The following TMED10 variants were observed in gnomAD, a reference collection of about 807,000 sequenced individuals.
TMED10 encodes the protein transmembrane emp24 domain-containing protein 10.
In TMED10, 7 loss-of-function variants were observed where a neutral mutation model predicts 23.1. That is an observed-to-expected ratio of 0.30 (90% CI 0.17 to 0.57). The LOEUF is 0.57. TMED10 is among the 20% of genes least tolerant of loss of function. TMED10 has a pLI of 0.91. For synonymous variants in TMED10, 113 were observed against 106.9 expected (o/e 1.06, Z -0.35); for missense variants, 162 against 274.8 (o/e 0.59, Z 2.90).
rs947339611 is a variant in TMED10, at chr14:75,151,094, T to C, written c.337+938A>G. On this transcript the variant is annotated intron_variant, in intron 2 of 4. Coordinates refer to ENST00000303575, the MANE Select transcript of TMED10 (RefSeq NM_006827.6). Reference sequence around the variant, plus strand: ...CTAATTTTTGTATTTTTAGTAGAGATGGGGTTTCGCCATGTTGGCCAGGCT... The same window carrying C: ...CTAATTTTTGTATTTTTAGTAGAGACGGGGTTTCGCCATGTTGGCCAGGCT... Among the ~76,000 whole-genome samples, 4 of 151,978 alleles carry C rather than the reference T, an allele frequency of 2.6e-5. No homozygotes were observed. The South Asian group carries it at 8.3e-4, about 32-fold the overall frequency.
chr14:75,158,064 T>C (rs1203648884), intron 1 of TMED10, among the ~76,000 whole-genome samples: 1 of 152,132 alleles, frequency 6.6e-6, no homozygotes, highest in Non-Finnish European at 1.5e-5. Flanking sequence ...AAAAGAGGAA[T>C]GTACAGTGGC....
At chr14:75,141,769 A>G (rs902026934) in intron 3 of TMED10, among the ~76,000 whole-genome samples, 1 of 152,214 alleles carries the variant, frequency 6.6e-6, no homozygotes, top group Non-Finnish European at 1.5e-5. Flanking sequence ...AACAAGCTAT[A>G]TTAGGCCACA....
At chr14:75,147,821 C>G in intron 2 of TMED10, 84 bp from the exon 3 acceptor site, 1 of 1,161,812 alleles carries the variant, frequency 8.6e-7, no homozygotes, top group Non-Finnish European at 1.2e-6. Context: ...CCTCCCTCTA[C>G]AGAACCCCTA....
At chr14:75,137,393 C>A (rs1895762760) in intron 3 of TMED10, among the ~76,000 whole-genome samples, 1 of 148,640 alleles carries the variant, frequency 6.7e-6, no homozygotes, top group Admixed American at 6.7e-5. Context: ...CTGTTTCTGG[C>A]CGGGTGTGGT....
In TMED10 at chr14:75,135,753, C is replaced by T; in HGVS notation, c.538+7G>A. ...ACTTAAGAAGTAAGAGTCGCCTTCCCCCTCACCGTTGGTATCACGCATCTC... is the reference window on the plus strand; with the variant it reads ...ACTTAAGAAGTAAGAGTCGCCTTCCTCCTCACCGTTGGTATCACGCATCTC... On this transcript the variant is annotated splice_region_variant and intron_variant, in intron 4 of 4. Transcript: ENST00000303575. 6.2e-7 allele frequency: 1 copy of T among 1,612,318 alleles called. No individual in the cohort carries two copies. Among genetic ancestry groups the T allele is most frequent in the Admixed American group, 1.7e-5 (1 of 59,486 alleles).
intron 1 of TMED10, among the ~76,000 whole-genome samples, chr14:75,152,552 C>T (rs1033406185): frequency 6.6e-6 from 1 of 152,180 alleles, no homozygotes; most frequent in African/African-American, 2.4e-5. Context: ...TATAAAAACA[C>T]ATTTATTCTA....
chr14:75,157,481 G>A (rs1327716779), intron 1 of TMED10, among the ~76,000 whole-genome samples: 2 of 152,002 alleles, frequency 1.3e-5, no homozygotes, highest in Non-Finnish European at 2.9e-5. Flanking sequence ...GTGGGATGCC[G>A]TCTCTACAAA....
chr14:75,175,480 C>CAAT (rs1401094996), intron 1 of TMED10, among the ~76,000 whole-genome samples: 1 of 152,096 alleles, frequency 6.6e-6, no homozygotes, highest in Non-Finnish European at 1.5e-5. Context: ...AGAATCTATT[C>CAAT]CATCGCAAGG....
intron 1 of TMED10, among the ~76,000 whole-genome samples, chr14:75,171,554 A>C (rs1487119113): frequency 6.6e-6 from 1 of 152,186 alleles, no homozygotes; most frequent in Non-Finnish European, 1.5e-5. Context: ...CGTTGGGATT[A>C]CAGACGAGAG....
At chr14:75,176,191 G>C (rs889949546) in intron 1 of TMED10, 164 bp downstream of exon 1, 1 of 831,340 alleles carries the variant, frequency 1.2e-6, no homozygotes, top group Non-Finnish European at 1.8e-6. Context: ...CCCGCGACAG[G>C]CAACCAGCGG....
intron 1 of TMED10, among the ~76,000 whole-genome samples, chr14:75,152,690 T>C (rs1246472162): frequency 1.3e-5 from 2 of 152,168 alleles, no homozygotes; most frequent in African/African-American, 4.8e-5. Flanking sequence ...AAATTTCATG[T>C]TAATTATGTC....
At chr14:75,147,805 G>GCCCA (rs1895906913) in intron 2 of TMED10, 68 bp from the exon 3 acceptor site, 5 of 1,310,596 alleles carry the variant, frequency 3.8e-6, no homozygotes, top group Admixed American at 5.4e-5. Flanking sequence ...CCACCCACCC[G>GCCCA]CCCGCCCTCC....
chr14:75,135,583 T>A, intron 4 of TMED10, 177 bp downstream of exon 4: 2 of 810,814 alleles, frequency 2.5e-6, no homozygotes, highest in Non-Finnish European at 1.9e-6. Flanking sequence ...GAGTTTCTAC[T>A]CTCTTGAAAA....
chr14:75,137,445 G>A (rs1325208824), intron 3 of TMED10, among the ~76,000 whole-genome samples: 1 of 147,602 alleles, frequency 6.8e-6, no homozygotes, highest in Non-Finnish European at 1.5e-5. Flanking sequence ...GGCCGAGGTG[G>A]GTGGAACACG....
rs141113240 is a variant in TMED10 at position 75,148,992 on chromosome 14, C to T, written c.338-1255G>A. On this transcript the variant is annotated intron_variant, in intron 2 of 4. Coordinates refer to ENST00000303575, the MANE Select transcript of TMED10 (RefSeq NM_006827.6). ...CAGTGGCACGCACCATCATGGCTCA[C>T]TGTAGCCTCGAACTCCTGGGCTCAA... Among the ~76,000 whole-genome samples, 1,305 of 152,352 alleles carry T rather than the reference C, an allele frequency of 8.6e-3. 14 individuals are homozygous for T. The highest frequency in any genetic ancestry group is 0.028 in the African/African-American group (1,166 of 41,584).
chr14:75,168,547 A>C (rs1020255922), intron 1 of TMED10, among the ~76,000 whole-genome samples: 6 of 152,082 alleles, frequency 3.9e-5, no homozygotes, highest in Admixed American at 2.6e-4. Flanking sequence ...CACAATAAAA[A>C]CCTCACCCAT....
chr14:75,139,072 A>G, intron 3 of TMED10: 1 of 432,270 alleles, frequency 2.3e-6, no homozygotes. Flanking sequence ...CCAAAAGTCT[A>G]CCTTCATGGT....
rs1311267169 is a variant in TMED10, at chr14:75,154,299, G to C, written c.226-2156C>G. ...CGCCTGTAATCCCAGCTACTTTGGA[G>C]GCTGAGGCAGGATAATCGCTTGAAC... On this transcript the variant is annotated intron_variant, in intron 1 of 4. Transcript: ENST00000303575. Among the ~76,000 whole-genome samples, 4 of 147,482 alleles carry C rather than the reference G, an allele frequency of 2.7e-5. No homozygotes were observed. The East Asian group carries it at 8.4e-4, about 31-fold the overall frequency.
In TMED10 at chr14:75,176,113, G is replaced by A. The variant is rs1594878511; in HGVS notation, c.225+242C>T. 7.0e-6 allele frequency: 4 copies of A among 574,040 alleles called. No homozygotes were observed. The East Asian group carries it at 1.2e-4, about 17-fold the overall frequency. 35.6% of individuals were successfully genotyped at this position (574,040 alleles called of 1,614,324 possible). A position where few individuals can be genotyped will look rare whatever the true frequency, so the allele number is the denominator to read the frequency against. The stretch of plus-strand genomic sequence containing the variant: ...GACGTTGACAACCGCCCCAGCTCAG[G>A]TGTCACCACATCCGCCAAAGCCTCG... On this transcript the variant is annotated intron_variant, in intron 1 of 4. Transcript: ENST00000303575.
Sources: gnomAD v4.1 joint callset for allele counts (sites outside exome capture counted in the v4.1 genomes callset) on GRCh38, gnomAD v4.1.1 for gene constraint, MANE v1.5 for transcripts, NCBI Gene and HGNC (gene_info 2026-07-23, HGNC 2026-07-21) for gene names.